BTBD8: variants seen among roughly 807,000 people sequenced by gnomAD.
BTBD8 encodes the protein BTB domain containing 8.
BTBD8 carries 110 observed loss-of-function variants against 162.9 expected under a neutral mutation model. The ratio of observed to expected loss-of-function variants is 0.68; its 90% confidence interval spans 0.58 to 0.79. The LOEUF (loss-of-function observed/expected upper bound fraction) is 0.79, where lower values mean the gene tolerates loss of function less well. Ranked by LOEUF, BTBD8 falls within the 30% of genes least tolerant of loss-of-function variation. BTBD8 has a pLI of 0.00. For synonymous variants in BTBD8, 667 were observed against 716.1 expected (o/e 0.93, Z 1.10); for missense variants, 1,905 against 2,085.4 (o/e 0.91, Z 1.68).
intron 1 of BTBD8, among the ~76,000 whole-genome samples, chr1:92,082,721 A>T (rs1485673585): frequency 1.3e-5 from 2 of 152,202 alleles, no homozygotes; most frequent in African/African-American, 4.8e-5. Flanking sequence ...GAAGTGAGGA[A>T]AAGTGGGAGA....
At chr1:92,132,292 A>G (rs1299392524) in intron 5 of BTBD8, among the ~76,000 whole-genome samples, 1 of 151,598 alleles carries the variant, frequency 6.6e-6, no homozygotes, top group Non-Finnish European at 1.5e-5. Flanking sequence ...GTTTAGCTAT[A>G]TGAATAAAGG....
intron 4 of BTBD8, chr1:92,126,523 C>T: frequency 1.8e-6 from 1 of 567,506 alleles, no homozygotes; most frequent in East Asian, 4.6e-5. Flanking sequence ...CTCATGCAGA[C>T]CGCTTTATTT....
chr1:92,182,097 T>C lies in BTBD8; in HGVS notation c.4414T>C (p.Phe1472Leu). 2 of 1,551,574 alleles carry C rather than the reference T, an allele frequency of 1.3e-6. No homozygotes were observed. Among genetic ancestry groups the C allele is most frequent in the South Asian group, 2.4e-5 (2 of 84,050 alleles). ...SVDSFSPSDV[F>L]DGISHEHHGR... The stretch of plus-strand genomic sequence containing the variant: ...AGATTCTTTTTCACCTTCTGATGTT[T>C]TTGATGGCATTTCTCATGAACATCA... Residue 1472 changes from phenylalanine to leucine, a missense_variant, in exon 17 of 18, where the codon TTT becomes CTT. Around this residue, in one of 3 missense-constraint regions of BTBD8, gnomAD observed 517 missense variants for 606.6 expected, o/e 0.85. Coordinates refer to ENST00000636805, the MANE Select transcript of BTBD8 (RefSeq NM_001376131.1).
chr1:92,127,293 C>A (rs1649386051), intron 4 of BTBD8, among the ~76,000 whole-genome samples: 1 of 151,918 alleles, frequency 6.6e-6, no homozygotes, highest in Non-Finnish European at 1.5e-5. Context: ...AATTGAGGAT[C>A]AGAATTCGAG....
chr1:92,165,119 CA>C (rs779526131), intron 9 of BTBD8, among the ~76,000 whole-genome samples: 7,685 of 101,104 alleles, frequency 0.076, 158 homozygotes, highest in African/African-American at 0.097. Flanking sequence ...AGACTTGTGT[CA>C]AAAAAAAAAA....
intron 4 of BTBD8, among the ~76,000 whole-genome samples, chr1:92,121,233 C>T (rs988540349): frequency 4.6e-5 from 7 of 152,054 alleles, no homozygotes; most frequent in East Asian, 1.9e-4. Context: ...GAAATAATTT[C>T]GGTTTGGTTG....
chr1:92,139,700 T>C, intron 6 of BTBD8: 1 of 469,826 alleles, frequency 2.1e-6, no homozygotes, highest in Non-Finnish European at 2.9e-6. Flanking sequence ...TATAGATCAA[T>C]AAATTGATTA....
intron 13 of BTBD8, among the ~76,000 whole-genome samples, chr1:92,176,593 A>C (rs1168691082): frequency 6.6e-6 from 1 of 152,182 alleles, no homozygotes; most frequent in Non-Finnish European, 1.5e-5. Context: ...TATTTACTTT[A>C]ATAGATAGAA....
intron 7 of BTBD8, among the ~76,000 whole-genome samples, chr1:92,141,950 C>A (rs966773889): frequency 1.3e-4 from 20 of 152,132 alleles, no homozygotes; most frequent in Non-Finnish European, 1.8e-4. Flanking sequence ...TGTATGAATT[C>A]TAATTAGGTG....
chr1:92,153,021 A>G (rs191272062), intron 9 of BTBD8, among the ~76,000 whole-genome samples: 1 of 152,292 alleles, frequency 6.6e-6, no homozygotes, highest in Non-Finnish European at 1.5e-5. Flanking sequence ...AATTTTCTCA[A>G]AATTCGAAGT....
chr1:92,130,724 A>C (rs1214883716), intron 5 of BTBD8, among the ~76,000 whole-genome samples: 1 of 152,088 alleles, frequency 6.6e-6, no homozygotes, highest in African/African-American at 2.4e-5. Flanking sequence ...TTTGAGATGG[A>C]GTCTCATTCG....
In BTBD8 at chr1:92,177,081, G is replaced by A; in HGVS notation, c.1888G>A (p.Val630Ile). 1 of 1,551,568 alleles carries A rather than the reference G, an allele frequency of 6.4e-7. No homozygotes were observed. Among genetic ancestry groups the A allele is most frequent in the Non-Finnish European group, 8.7e-7 (1 of 1,146,952 alleles). The change falls in exon 14 of 18, where the codon GTT becomes ATT. Residue 630 changes from valine to isoleucine, a missense_variant. By Grantham distance (29) the Val-to-Ile change is conservative. Coordinates refer to ENST00000636805, the MANE Select transcript of BTBD8 (RefSeq NM_001376131.1). The part of the protein sequence containing the change: ...TKELKTGGKN[V>I]SGKPKTVTKS... Reference sequence around the variant, plus strand: ...AGAACTAAAAACTGGGGGAAAAAATGTTTCTGGAAAGCCCAAAACTGTAAC... The same window carrying A: ...AGAACTAAAAACTGGGGGAAAAAATATTTCTGGAAAGCCCAAAACTGTAAC...
intron 4 of BTBD8, 129 bp downstream of exon 4, chr1:92,108,130 A>G (rs1648783810): frequency 1.2e-6 from 1 of 846,474 alleles, no homozygotes; most frequent in South Asian, 1.5e-5. Context: ...CATGAAGGCC[A>G]AAGGGGTTCC....
chr1:92,141,239 A>G (rs1487431544), intron 7 of BTBD8, 28 bp downstream of exon 7: 2 of 1,562,838 alleles, frequency 1.3e-6, no homozygotes, highest in Non-Finnish European at 1.7e-6. Context: ...GAAATCTTTT[A>G]TCCAGTGCAT....
At chr1:92,132,082 G>T (rs564515424) in intron 5 of BTBD8, among the ~76,000 whole-genome samples, 3 of 152,132 alleles carry the variant, frequency 2.0e-5, no homozygotes, top group Non-Finnish European at 2.9e-5. Flanking sequence ...AAAGTTTTCC[G>T]ATTGGTATGT....
Position 92,181,270 on chromosome 1 carries a change from A to G in BTBD8, c.3587A>G (p.Asp1196Gly), listed in dbSNP as rs2100693222. ...GACAAACATGCTACAGCAGACTCAG[A>G]TGTATCTTCCAAGTGTTTTTCGGGA... ...DEDKHATADS[D>G]VSSKCFSGQL... is the part of the protein sequence containing the mutation. The change falls in exon 17 of 18, where the codon GAT becomes GGT. Residue 1196 changes from aspartate to glycine, a missense_variant. This residue lies in a region of BTBD8 where 1,374 missense variants were observed against 1,442.7 expected (regional missense o/e 0.95). Coordinates refer to ENST00000636805, the MANE Select transcript of BTBD8 (RefSeq NM_001376131.1). 2 of 1,551,754 alleles carry G rather than the reference A, an allele frequency of 1.3e-6. No homozygotes were observed. Among genetic ancestry groups the G allele is most frequent in the Non-Finnish European group, 1.7e-6 (2 of 1,147,000 alleles).
chr1:92,139,578 CAAT>C, intron 6 of BTBD8, 148 bp downstream of exon 6: 2 of 1,290,560 alleles, frequency 1.5e-6, no homozygotes, highest in Non-Finnish European at 2.0e-6. Context: ...CATCTAAAAA[CAAT>C]AAGCAAATCA....
intron 4 of BTBD8, chr1:92,125,487 CA>C: frequency 3.1e-6 from 1 of 318,670 alleles, no homozygotes; most frequent in Admixed American, 3.8e-5. Flanking sequence ...AAGGAGGAGG[CA>C]AAACAAATTC....
At chr1:92,173,244 A>G (rs1650607154) in intron 13 of BTBD8, among the ~76,000 whole-genome samples, 1 of 152,230 alleles carries the variant, frequency 6.6e-6, no homozygotes, top group Non-Finnish European at 1.5e-5. Flanking sequence ...CTCTTTATAG[A>G]CCGACGATGC....
Sources: allele counts gnomAD v4.1 joint callset (sites outside exome capture counted in the v4.1 genomes callset), GRCh38; gene constraint gnomAD v4.1.1; regional missense constraint gnomAD v4.1.1; transcripts MANE v1.5; gene names NCBI Gene and HGNC (gene_info 2026-07-23, HGNC 2026-07-21).